The following ITPR2 variants were observed in gnomAD, a reference collection of about 807,000 sequenced individuals.
ITPR2 encodes inositol 1,4,5-trisphosphate-gated calcium channel ITPR2.
In ITPR2, 207 loss-of-function variants were observed where a neutral mutation model predicts 317.1. The observed-to-expected ratio is 0.65, with a 90% CI of 0.58 to 0.73. ITPR2 has a LOEUF of 0.73. Among genes scored for constraint, ITPR2 ranks in the 30% least tolerant of loss-of-function variants. ITPR2 has a pLI of 0.00. For missense variants in ITPR2, 2,613 were observed against 3,284.0 expected, an observed-to-expected ratio of 0.80 and a Z score of 4.99; for synonymous variants, 1,156 against 1,149.1, an observed-to-expected ratio of 1.01 and a Z score of -0.12.
At chr12:26,478,155 A>G (rs752845972) in intron 43 of ITPR2, among the ~76,000 whole-genome samples, 2 of 152,064 alleles carry the variant, frequency 1.3e-5, no homozygotes, top group Non-Finnish European at 2.9e-5. Context: ...CTATCCAACT[A>G]TTTTCCCCCC....
chr12:26,594,260 A>C (rs1339582443), intron 32 of ITPR2, among the ~76,000 whole-genome samples: 2 of 152,106 alleles, frequency 1.3e-5, no homozygotes, highest in African/African-American at 4.8e-5. Context: ...ACCACACCAA[A>C]GGTAAACTAA....
At chr12:26,780,036 G>A (rs1250445201) in intron 2 of ITPR2, among the ~76,000 whole-genome samples, 1 of 148,086 alleles carries the variant, frequency 6.8e-6, no homozygotes, top group African/African-American at 2.4e-5. Flanking sequence ...CCCATTCTGT[G>A]GACACCACTC....
intron 34 of ITPR2, among the ~76,000 whole-genome samples, chr12:26,565,503 T>G (rs1329416047): frequency 1.4e-5 from 2 of 143,334 alleles, no homozygotes; most frequent in Non-Finnish European, 3.1e-5. Flanking sequence ...GATAGATAGA[T>G]AGATAGATAG....
At chr12:26,618,012 C>G (rs1946409770) in intron 26 of ITPR2, among the ~76,000 whole-genome samples, 2 of 151,916 alleles carry the variant, frequency 1.3e-5, no homozygotes, top group Admixed American at 6.6e-5. Context: ...ATAATATAAT[C>G]TTAATAGATG....
intron 55 of ITPR2, among the ~76,000 whole-genome samples, chr12:26,373,419 G>A (rs936660519): frequency 2.6e-5 from 4 of 152,148 alleles, no homozygotes; most frequent in South Asian, 2.1e-4. Flanking sequence ...AGAAATCCCT[G>A]AGTAATTACC....
chr12:26,444,786 C>G (rs1402172838), intron 45 of ITPR2, among the ~76,000 whole-genome samples: 1 of 151,992 alleles, frequency 6.6e-6, no homozygotes, highest in Non-Finnish European at 1.5e-5. Flanking sequence ...GAACATTATC[C>G]TTATAAGTGA....
At chr12:26,529,157 C>A (rs1191506800) in intron 37 of ITPR2, among the ~76,000 whole-genome samples, 1 of 152,200 alleles carries the variant, frequency 6.6e-6, no homozygotes, top group African/African-American at 2.4e-5. Context: ...ACACAGTAGT[C>A]TCTGTCAATC....
intron 1 of ITPR2, among the ~76,000 whole-genome samples, chr12:26,794,961 A>C (rs1225700200): frequency 6.6e-6 from 1 of 152,270 alleles, no homozygotes; most frequent in East Asian, 1.9e-4. Context: ...ATGGAGATGT[A>C]GTAGACACTC....
chr12:26,810,907 C>G (rs1245035496), intron 1 of ITPR2, among the ~76,000 whole-genome samples: 1 of 152,056 alleles, frequency 6.6e-6, no homozygotes, highest in African/African-American at 2.4e-5. Context: ...CGCAAGCAAT[C>G]CTCCTGCCTC....
intron 53 of ITPR2, 23 bp from the exon 54 acceptor site, chr12:26,399,064 A>T: frequency 2.6e-6 from 4 of 1,535,236 alleles, no homozygotes; most frequent in South Asian, 2.5e-5. Context: ...TATTTAAAAA[A>T]ATCACACTAG....
At chr12:26,486,561 T>C (rs1942674005) in intron 40 of ITPR2, among the ~76,000 whole-genome samples, 1 of 152,170 alleles carries the variant, frequency 6.6e-6, no homozygotes, top group Non-Finnish European at 1.5e-5. Flanking sequence ...TCTCAATGCT[T>C]AGCAAATTTT....
chr12:26,803,696 G>A (rs942899292), intron 1 of ITPR2, among the ~76,000 whole-genome samples: 6 of 152,260 alleles, frequency 3.9e-5, no homozygotes, highest in Admixed American at 1.3e-4. Context: ...TCAGTGATTC[G>A]TTCTGTAGCC....
At chr12:26,565,441 G>T (rs934797348) in intron 34 of ITPR2, among the ~76,000 whole-genome samples, 15 of 145,040 alleles carry the variant, frequency 1.0e-4, no homozygotes, top group African/African-American at 2.5e-4. Context: ...AATGAAAATA[G>T]GAAGGAAGGG....
At chr12:26,478,806 C>G (rs1473137153) in intron 43 of ITPR2, among the ~76,000 whole-genome samples, 3 of 151,630 alleles carry the variant, frequency 2.0e-5, no homozygotes, top group African/African-American at 7.3e-5. Context: ...ATTTACAGCT[C>G]AGTTTTGCAA....
intron 53 of ITPR2, 70 bp downstream of exon 53, chr12:26,400,058 T>C: frequency 6.8e-7 from 1 of 1,463,296 alleles, no homozygotes; most frequent in Non-Finnish European, 9.2e-7. Context: ...AAAACTAAAT[T>C]ATAAATGCTG....
intron 37 of ITPR2, among the ~76,000 whole-genome samples, chr12:26,513,542 C>CCTCTCTCT (rs150495475): frequency 6.7e-6 from 1 of 149,914 alleles, no homozygotes; most frequent in South Asian, 2.1e-4. Flanking sequence ...TTTGTTCAGA[C>CCTCTCTCT]CTCTCTCTCT....
intron 2 of ITPR2, among the ~76,000 whole-genome samples, chr12:26,756,941 T>C (rs1949533377): frequency 6.6e-6 from 1 of 152,166 alleles, no homozygotes; most frequent in Non-Finnish European, 1.5e-5. Flanking sequence ...GTCATAAAGA[T>C]CTTGTTGATA....
At chr12:26,530,536 T>A (rs559385978) in intron 37 of ITPR2, among the ~76,000 whole-genome samples, 1 of 152,188 alleles carries the variant, frequency 6.6e-6, no homozygotes, top group African/African-American at 2.4e-5. Context: ...GGCTCCCCAG[T>A]TGGGGCTATG....
chr12:26,396,565 G>A lies in ITPR2; in HGVS notation c.7696+2311C>T, dbSNP rs1940005370. Among the ~76,000 whole-genome samples, 3 of 152,024 alleles carry A rather than the reference G, an allele frequency of 2.0e-5. No individual in the cohort carries two copies. The South Asian group carries it at 6.2e-4, about 32-fold the overall frequency. ...GTGTGTGCTCCTCTTTCTCTCCTAA[G>A]TCTTCAAAGCTGGGGCTTTCCACTT... is the stretch of plus-strand genomic sequence containing the variant. On this transcript the variant is annotated intron_variant, in intron 54 of 56. Coordinates refer to ENST00000381340, the MANE Select transcript of ITPR2 (RefSeq NM_002223.4).
Sources: gnomAD v4.1 joint callset for allele counts (sites outside exome capture counted in the v4.1 genomes callset) on GRCh38, gnomAD v4.1.1 for gene constraint, MANE v1.5 for transcripts, NCBI Gene and HGNC (gene_info 2026-07-23, HGNC 2026-07-21) for gene names.